The following DCAF1 variants were observed in gnomAD, a reference collection of about 807,000 sequenced individuals.
The protein encoded by DCAF1 is DDB1 and CUL4 associated factor 1.
DCAF1 carries 15 observed loss-of-function variants against 128.0 expected under a neutral mutation model. The observed-to-expected ratio is 0.12, with a 90% CI of 0.08 to 0.18. The LOEUF is 0.18. Among genes scored for constraint, DCAF1 ranks in the 10% least tolerant of loss-of-function variants. The pLI is 1.00. For synonymous variants in DCAF1, 610 were observed against 603.0 expected, an observed-to-expected ratio of 1.01 and a Z score of -0.17; for missense variants, 988 against 1,649.5, an observed-to-expected ratio of 0.60 and a Z score of 6.95.
intron 6 of DCAF1, among the ~76,000 whole-genome samples, chr3:51,461,806 G>GC (rs1180057683): frequency 6.6e-6 from 1 of 151,916 alleles, no homozygotes; most frequent in African/African-American, 2.4e-5. Flanking sequence ...GCAAACTATC[G>GC]CAAGGACAAA....
chr3:51,414,076 A>T (rs1559481624), intron 19 of DCAF1, 33 bp from the exon 20 acceptor site: 4 of 1,551,282 alleles, frequency 2.6e-6, no homozygotes, highest in Non-Finnish European at 2.6e-6. Flanking sequence ...AAACTATTTT[A>T]CACAAAACTT....
At chr3:51,428,580 A>G (rs1459060169) in intron 12 of DCAF1, among the ~76,000 whole-genome samples, 4 of 152,170 alleles carry the variant, frequency 2.6e-5, no homozygotes, top group African/African-American at 9.7e-5. Context: ...AAAAACATGC[A>G]GCTACTCGTC....
Position 51,420,153 on chromosome 3 carries a change from C to T in DCAF1, c.2817G>A (p.Pro939=), listed in dbSNP as rs537463574. Reference sequence around the variant, plus strand: ...CATAAGATGGGCCGGGCAGAGCTAGCGGACCCTGGGGGGGCCGTGGCTGAG... The same window carrying T: ...CATAAGATGGGCCGGGCAGAGCTAGTGGACCCTGGGGGGGCCGTGGCTGAG... ...AHPQPRPPQG[P]LALPGPSYAG... Residue 939 remains proline (P), a synonymous_variant, in exon 15 of 25, where the codon CCG becomes CCA. Coordinates refer to ENST00000684031, the MANE Select transcript of DCAF1 (RefSeq NM_001387579.1). The surrounding 1 kb of genome is among the most constrained non-coding windows in gnomAD (Gnocchi z 6.5). The T allele has an allele frequency of 2.7e-5, 43 of 1,613,934 alleles. No homozygotes were observed. The highest frequency in any genetic ancestry group is 9.3e-5 in the African/African-American group (7 of 75,030).
intron 2 of DCAF1, among the ~76,000 whole-genome samples, chr3:51,491,560 T>C (rs1553657961): frequency 1.3e-5 from 2 of 151,788 alleles, no homozygotes; most frequent in African/African-American, 2.4e-5. Flanking sequence ...TTTCAATAAG[T>C]AGTGCTGCCC....
upstream of DCAF1, among the ~76,000 whole-genome samples, chr3:51,501,404 T>C (rs144452174): frequency 4.9e-4 from 74 of 152,262 alleles, no homozygotes; most frequent in African/African-American, 1.7e-3. Context: ...GACCCACAGT[T>C]GAGCAGAATC....
At chr3:51,498,049 CAAAAAAAAAAAAAA>C (rs56734063) in intron 1 of DCAF1, among the ~76,000 whole-genome samples, 11 of 20,832 alleles carry the variant, frequency 5.3e-4, no homozygotes, top group Middle Eastern at 0.056. Context: ...GACTCTGTCT[CAAAAAAAAAAAAAA>C]AAAAAAAAAA....
At chr3:51,476,460 G>A (rs1259980396) in intron 3 of DCAF1, among the ~76,000 whole-genome samples, 3 of 150,932 alleles carry the variant, frequency 2.0e-5, no homozygotes, top group East Asian at 3.9e-4. Context: ...ACTGGGATGA[G>A]GCAGGAGGGT....
chr3:51,494,803 T>A (rs905394752), intron 2 of DCAF1, among the ~76,000 whole-genome samples: 3 of 152,102 alleles, frequency 2.0e-5, no homozygotes, highest in Non-Finnish European at 4.4e-5. Flanking sequence ...AGCAATCCTC[T>A]CCACTTGGCC....
chr3:51,404,366 A>AT (rs1553625953), intron 23 of DCAF1, among the ~76,000 whole-genome samples: 1 of 152,236 alleles, frequency 6.6e-6, no homozygotes, highest in Non-Finnish European at 1.5e-5. Flanking sequence ...GAAATTCAAG[A>AT]TGGAATAAGC....
chr3:51,409,155 A>G (rs2107061680), intron 23 of DCAF1, among the ~76,000 whole-genome samples: 1 of 152,334 alleles, frequency 6.6e-6, no homozygotes, highest in Admixed American at 6.5e-5. Context: ...CTCAGAAGTT[A>G]AGCAGGACAA....
intron 13 of DCAF1, among the ~76,000 whole-genome samples, chr3:51,426,540 T>A: frequency 6.6e-6 from 1 of 152,284 alleles, no homozygotes; most frequent in African/African-American, 2.4e-5. Flanking sequence ...ATTTTTACAT[T>A]TTCTGTTTTA....
intron 3 of DCAF1, among the ~76,000 whole-genome samples, chr3:51,482,051 T>A (rs565156850): frequency 6.6e-6 from 1 of 151,814 alleles, no homozygotes; most frequent in South Asian, 2.1e-4. Context: ...AAAACCAAGG[T>A]AGGGAATAAA....
chr3:51,486,193 C>CTT (rs35273248), intron 2 of DCAF1, among the ~76,000 whole-genome samples: 51 of 113,324 alleles, frequency 4.5e-4, no homozygotes, highest in Admixed American at 7.4e-4. Flanking sequence ...CCGGCAGATT[C>CTT]TTTTTTTTTT....
chr3:51,444,194 T>C (rs1484187595), intron 6 of DCAF1, among the ~76,000 whole-genome samples: 4 of 152,070 alleles, frequency 2.6e-5, no homozygotes, highest in African/African-American at 4.8e-5. Flanking sequence ...CCCCAGAATA[T>C]AGTCCTAATC....
chr3:51,411,188 C>G (rs1553628337), intron 23 of DCAF1, among the ~76,000 whole-genome samples: 1 of 145,894 alleles, frequency 6.9e-6, no homozygotes. Flanking sequence ...AAAAGAGAGA[C>G]AAAGCACCAA....
At chr3:51,433,329 AT>A in intron 9 of DCAF1, 65 bp from the exon 10 acceptor site, 1 of 398,126 alleles carries the variant, frequency 2.5e-6, no homozygotes, top group Non-Finnish European at 4.4e-6. Context: ...TCTTGACCTA[AT>A]ATTCAGTTAA....
chr3:51,477,984 T>C (rs561846548), intron 3 of DCAF1, among the ~76,000 whole-genome samples: 1 of 152,254 alleles, frequency 6.6e-6, no homozygotes, highest in Non-Finnish European at 1.5e-5. Context: ...TGTGCTACTA[T>C]GCATTGTTCC....
At position 51,440,456 on chromosome 3, in the gene DCAF1, T is replaced by A. The variant is rs529443896; in HGVS notation, c.1128+514A>T. On this transcript the variant is annotated intron_variant, in intron 9 of 24. Transcript: ENST00000684031. The stretch of plus-strand genomic sequence containing the variant: ...AGACTATCTCTATAAAAATTTTTTT[T>A]AAATTAGCTAAGCATGGTGGCATGC... Among the ~76,000 whole-genome samples, 16 of 152,174 alleles carry A rather than the reference T, an allele frequency of 1.1e-4. No individual in the cohort carries two copies. The South Asian group carries it at 1.7e-3, about 16-fold the overall frequency.
rs375132324 is a variant in DCAF1, at chr3:51,429,396, G to A, written c.1542C>T (p.Arg514=). 1.3e-6 allele frequency: 1 copy of A among 780,860 alleles called. No individual in the cohort carries two copies. The highest frequency in any genetic ancestry group is 2.4e-6 in the Non-Finnish European group (1 of 417,986). 48.4% of individuals were successfully genotyped at this position (780,860 alleles called of 1,614,324 possible). The change falls in exon 12 of 25, where the codon CGC becomes CGT. Residue 514 remains arginine (R), a synonymous_variant. Coordinates refer to ENST00000684031, the MANE Select transcript of DCAF1 (RefSeq NM_001387579.1). ...LLSDDEIFAS[R]QTGKHTCMAL... ...CCATGCAGGTATGTTTCCCAGTTTGGCGGCTAGCAAATATTTCATCATCAC... is the reference window on the plus strand; with the variant it reads ...CCATGCAGGTATGTTTCCCAGTTTGACGGCTAGCAAATATTTCATCATCAC...
Sources: gnomAD v4.1 joint callset for allele counts (sites outside exome capture counted in the v4.1 genomes callset) on GRCh38, gnomAD v4.1.1 for gene constraint, Gnocchi (gnomAD v3.1) non-coding constraint, MANE v1.5 for transcripts, NCBI Gene and HGNC (gene_info 2026-07-23, HGNC 2026-07-21) for gene names.